ERGIC1: variants seen among roughly 807,000 people sequenced by gnomAD.
The protein encoded by ERGIC1 is endoplasmic reticulum-golgi intermediate compartment 1, also known as endoplasmic reticulum-Golgi intermediate compartment protein 1.
A neutral mutation model predicts 38.3 loss-of-function variants in ERGIC1; 19 were observed. The ratio of observed to expected loss-of-function variants is 0.50; its 90% CI spans 0.35 to 0.73. The LOEUF (loss-of-function observed/expected upper bound fraction) is 0.73. Ranked by LOEUF, ERGIC1 falls within the 30% of genes least tolerant of loss-of-function variation. The probability of loss-of-function intolerance (pLI) is 0.01; values close to 1 mark genes in which losing one functional copy is unlikely to be tolerated. For missense variants in ERGIC1, 294 were observed against 389.2 expected (o/e 0.76, Z 2.06); for synonymous variants, 124 against 157.6 (o/e 0.79, Z 1.60).
chr5:172,912,667 G>C (rs919658223), intron 4 of ERGIC1, among the ~76,000 whole-genome samples: 9 of 152,274 alleles, frequency 5.9e-5, no homozygotes, highest in African/African-American at 1.2e-4. Flanking sequence ...GATTACAGGC[G>C]TGAGCCACCG....
chr5:172,942,810 A>T (rs549365246), intron 9 of ERGIC1, among the ~76,000 whole-genome samples: 10 of 152,332 alleles, frequency 6.6e-5, no homozygotes, highest in African/African-American at 1.9e-4. Context: ...TCCATTTTGC[A>T]CACCAGGCTG....
intron 4 of ERGIC1, 39 bp downstream of exon 4, chr5:172,909,800 C>G: frequency 1.9e-6 from 3 of 1,550,208 alleles, no homozygotes; most frequent in Non-Finnish European, 2.7e-6. Context: ...AGCAGGACAC[C>G]TCCTTAGGGC....
chr5:172,875,439 A>G (rs1338848136), intron 1 of ERGIC1, among the ~76,000 whole-genome samples: 1 of 152,110 alleles, frequency 6.6e-6, no homozygotes, highest in Non-Finnish European at 1.5e-5. Flanking sequence ...CCCTTTGATT[A>G]TAAAACCAAA....
At chr5:172,897,736 G>T in intron 3 of ERGIC1, 1 of 413,212 alleles carries the variant, frequency 2.4e-6, no homozygotes, top group South Asian at 1.3e-4. Flanking sequence ...GAGAGCCGAA[G>T]AGTTCAGTGA....
chr5:172,911,094 G>T (rs1472427185), intron 4 of ERGIC1, among the ~76,000 whole-genome samples: 2 of 152,114 alleles, frequency 1.3e-5, no homozygotes, highest in Non-Finnish European at 2.9e-5. Flanking sequence ...CTGGCACAGA[G>T]CCTGCTGCAG....
chr5:172,871,914 G>A (rs982946335), intron 1 of ERGIC1, among the ~76,000 whole-genome samples: 2 of 152,334 alleles, frequency 1.3e-5, no homozygotes, highest in East Asian at 3.9e-4. Flanking sequence ...TCACCAACTA[G>A]CCTCTCAGCC....
At chr5:172,944,543 G>A (rs1421648803) in intron 9 of ERGIC1, among the ~76,000 whole-genome samples, 1 of 152,196 alleles carries the variant, frequency 6.6e-6, no homozygotes, top group African/African-American at 2.4e-5. Flanking sequence ...ATTTTTAGTA[G>A]AGACAGGGTT....
chr5:172,869,489 G>T (rs554138635), intron 1 of ERGIC1, among the ~76,000 whole-genome samples: 1 of 152,162 alleles, frequency 6.6e-6, no homozygotes, highest in Non-Finnish European at 1.5e-5. Context: ...TCCCTCTGGC[G>T]CCAGACCCCT....
chr5:172,867,550 C>T (rs1193347264), intron 1 of ERGIC1: 3 of 445,746 alleles, frequency 6.7e-6, no homozygotes, highest in East Asian at 7.1e-5. Flanking sequence ...GGCCTTGGCT[C>T]ACTGCAGAGG....
intron 1 of ERGIC1, among the ~76,000 whole-genome samples, chr5:172,845,498 G>C (rs773147202): frequency 6.6e-6 from 1 of 152,208 alleles, no homozygotes; most frequent in Non-Finnish European, 1.5e-5. Context: ...AGAGTCATCT[G>C]TTGGTTGAAC....
intron 4 of ERGIC1, chr5:172,914,436 T>G: frequency 3.7e-6 from 2 of 540,522 alleles, no homozygotes; most frequent in Non-Finnish European, 6.7e-6. Flanking sequence ...CATCCAGAGG[T>G]TAAGTACCTG....
At chr5:172,884,420 T>TTTG (rs1170943452) in intron 1 of ERGIC1, among the ~76,000 whole-genome samples, 2 of 152,014 alleles carry the variant, frequency 1.3e-5, no homozygotes, top group Non-Finnish European at 2.9e-5. Context: ...GTTGTTGTTT[T>TTTG]TTGTTGTTGT....
chr5:172,852,993 G>A (rs1761450645), intron 1 of ERGIC1, among the ~76,000 whole-genome samples: 2 of 152,256 alleles, frequency 1.3e-5, no homozygotes, highest in South Asian at 4.1e-4. Flanking sequence ...CCAGGGGAGA[G>A]AGGGCATGTG....
At position 172,926,678 on chromosome 5, in the gene ERGIC1, C is replaced by T; in HGVS notation, c.541+109C>T. 2 of 1,238,180 alleles carry T rather than the reference C, an allele frequency of 1.6e-6. No individual in the cohort carries two copies. Among genetic ancestry groups the T allele is most frequent in the Non-Finnish European group, 1.2e-6 (1 of 860,288 alleles). The allele number at this position is 1,238,180 out of a possible 1,614,324, so 76.7% of individuals were successfully genotyped here. On this transcript the variant is annotated intron_variant, in intron 7 of 9. Transcript: ENST00000393784. The surrounding 1 kb of genome is among the most constrained non-coding windows in gnomAD (Gnocchi z 5.2). ...TGCCTGTCCAGCACCCACTCCAAGGCAGGGAGGCTGCTGCTCACACTCCAT... is the reference window on the plus strand; with the variant it reads ...TGCCTGTCCAGCACCCACTCCAAGGTAGGGAGGCTGCTGCTCACACTCCAT...
chr5:172,892,302 G>A (rs138717924), intron 2 of ERGIC1, among the ~76,000 whole-genome samples: 1 of 152,294 alleles, frequency 6.6e-6, no homozygotes, highest in African/African-American at 2.4e-5. Flanking sequence ...GATGAACGGG[G>A]CTTCCATCTT....
chr5:172,922,850 G>C (rs1455126685), intron 5 of ERGIC1, among the ~76,000 whole-genome samples: 2 of 152,222 alleles, frequency 1.3e-5, no homozygotes, highest in Non-Finnish European at 2.9e-5. Context: ...GTCATTATTG[G>C]GAAAAGGCCC....
intron 1 of ERGIC1, among the ~76,000 whole-genome samples, chr5:172,884,255 T>TG (rs58826335): frequency 0.041 from 4,995 of 122,984 alleles, 114 homozygotes; most frequent in African/African-American, 0.05. Context: ...TTTTTTTTTT[T>TG]TTTTTTTTTT....
intron 1 of ERGIC1, among the ~76,000 whole-genome samples, chr5:172,881,636 G>A (rs180960952): frequency 7.2e-5 from 11 of 152,222 alleles, no homozygotes; most frequent in African/African-American, 2.4e-4. Flanking sequence ...CACCCAAATG[G>A]GCCTGATTTG....
chr5:172,901,301 G>A (rs991005960), intron 3 of ERGIC1, among the ~76,000 whole-genome samples: 2 of 152,184 alleles, frequency 1.3e-5, no homozygotes, highest in African/African-American at 4.8e-5. Flanking sequence ...GCTTTGGACA[G>A]GCCGTTAATT....
Sources: allele counts gnomAD v4.1 joint callset (sites outside exome capture counted in the v4.1 genomes callset), GRCh38; gene constraint gnomAD v4.1.1; non-coding constraint Gnocchi (gnomAD v3.1); transcripts MANE v1.5; gene names NCBI Gene and HGNC (gene_info 2026-07-23, HGNC 2026-07-21).